Variants in GLT8D1 observed in about 807,000 individuals in gnomAD.
GLT8D1 encodes the protein glycosyltransferase 8 domain containing 1, also known as glycosyltransferase 8 domain-containing protein 1.
GLT8D1 carries 41 observed loss-of-function variants against 46.2 expected under a neutral mutation model. The ratio of observed to expected loss-of-function variants is 0.89; its 90% confidence interval spans 0.69 to 1.15. The LOEUF is 1.15. Ranked by LOEUF, GLT8D1 falls within the 50% of genes most tolerant of loss-of-function variation. The pLI is 0.00. For missense variants in GLT8D1, 408 were observed against 449.3 expected (o/e 0.91, Z 0.83); for synonymous variants, 150 against 154.2 (o/e 0.97, Z 0.20).
chr3:52,694,728 A>C lies in GLT8D1; in HGVS notation c.*117T>G, dbSNP rs1163079096. ...AGTTTGTCATCTTTACCTAGCTGAC[A>C]CATCTTTTTCCATGGCTTGCTACCG... On this transcript the variant is annotated 3_prime_UTR_variant, in exon 10 of 10. Transcript: ENST00000266014. 1.3e-6 allele frequency: 1 copy of C among 754,166 alleles called. No homozygotes were observed. The highest frequency in any genetic ancestry group is 2.4e-6 in the Non-Finnish European group (1 of 423,760). 46.7% of individuals were successfully genotyped at this position (754,166 alleles called of 1,614,324 possible). A position where few individuals can be genotyped will look rare whatever the true frequency, so the allele number is the denominator to read the frequency against.
chr3:52,699,162 C>T (rs1172604305), intron 3 of GLT8D1, among the ~76,000 whole-genome samples: 3 of 152,058 alleles, frequency 2.0e-5, no homozygotes, highest in African/African-American at 7.2e-5. Context: ...GGTACTAAGC[C>T]AAAATTGTAA....
At chr3:52,697,251 A>G (rs2154100252) in intron 4 of GLT8D1, among the ~76,000 whole-genome samples, 1 of 152,324 alleles carries the variant, frequency 6.6e-6, no homozygotes, top group Middle Eastern at 3.4e-3. Context: ...TCATTTTCAA[A>G]ATGGATTAGA....
chr3:52,697,516 C>T, intron 4 of GLT8D1: 1 of 571,982 alleles, frequency 1.7e-6, no homozygotes, highest in African/African-American at 1.9e-5. Context: ...TACTTCCTGG[C>T]ATGAGCTCCT....
intron 4 of GLT8D1, among the ~76,000 whole-genome samples, chr3:52,697,230 A>G (rs1000525756): frequency 3.9e-5 from 6 of 152,232 alleles, no homozygotes; most frequent in Non-Finnish European, 7.3e-5. Context: ...AGTAAGTTTT[A>G]TAAGTCTTAT....
intron 4 of GLT8D1, 128 bp from the exon 5 acceptor site, chr3:52,696,787 T>C: frequency 3.2e-6 from 2 of 628,406 alleles, no homozygotes; most frequent in Non-Finnish European, 5.7e-6. Context: ...AGCTTTGGTT[T>C]CCTCGTCTGA....
chr3:52,697,764 T>A lies in GLT8D1; in HGVS notation c.286A>T (p.Ile96Phe). The change falls in exon 4 of 10, where the codon ATT becomes TTT. Residue 96 changes from isoleucine to phenylalanine, a missense_variant. Coordinates refer to ENST00000266014, the MANE Select transcript of GLT8D1 (RefSeq NM_018446.4). ...SIQHNTRSNVIFYIVTLNNTA... is the reference protein window; with the variant it reads ...SIQHNTRSNVFFYIVTLNNTA... Reference sequence around the variant, plus strand: ...TTGTTGAGAGTAACAATGTAGAAAATCACATTGGAGCGAGTGTTGTGCTGA... The same window carrying A: ...TTGTTGAGAGTAACAATGTAGAAAAACACATTGGAGCGAGTGTTGTGCTGA... 6.2e-7 allele frequency: 1 copy of A among 1,613,520 alleles called. No individual in the cohort carries two copies. Among genetic ancestry groups the A allele is most frequent in the Non-Finnish European group, 8.5e-7 (1 of 1,179,508 alleles).
chr3:52,697,417 A>C (rs889486871), intron 4 of GLT8D1: 2 of 367,484 alleles, frequency 5.4e-6, no homozygotes, highest in Non-Finnish European at 1.0e-5. Context: ...TGTGACTTGT[A>C]AATCAACATT....
At position 52,694,589 on chromosome 3, in the gene GLT8D1, T is replaced by C. The variant is rs2097330893; in HGVS notation, c.*256A>G. 2 of 598,170 alleles carry C rather than the reference T, an allele frequency of 3.3e-6. No individual in the cohort carries two copies. Among genetic ancestry groups the C allele is most frequent in the Admixed American group, 2.9e-5 (1 of 34,018 alleles). The allele number at this position is 598,170 out of a possible 1,614,324, so 37.1% of individuals were successfully genotyped here. A position where few individuals can be genotyped will look rare whatever the true frequency, so the allele number is the denominator to read the frequency against. ...CTGTACCAGCTAGCTGAACTAGCCA[T>C]ATCAGTTCTTCTTTCCAGTCATTCA... is the stretch of plus-strand genomic sequence containing the variant. On this transcript the variant is annotated 3_prime_UTR_variant, in exon 10 of 10. Transcript: ENST00000266014.
In GLT8D1 at chr3:52,694,678, T is replaced by A; in HGVS notation, c.*167A>T. ...ACATATTTATAGTCTATAGTCTGTC[T>A]GGGAAGCTGACTGCCAGACAGGGCA... is the stretch of plus-strand genomic sequence containing the variant. On this transcript the variant is annotated 3_prime_UTR_variant, in exon 10 of 10. Transcript: ENST00000266014. The A allele has an allele frequency of 1.5e-6, 1 of 666,122 alleles. No individual in the cohort carries two copies. Among genetic ancestry groups the A allele is most frequent in the South Asian group, 1.7e-5 (1 of 59,134 alleles). 41.3% of individuals were successfully genotyped at this position (666,122 alleles called of 1,614,324 possible).
intron 7 of GLT8D1, 121 bp downstream of exon 7, chr3:52,695,807 G>T (rs1238099506): frequency 3.0e-6 from 2 of 676,770 alleles, no homozygotes; most frequent in African/African-American, 1.8e-5. Flanking sequence ...AGAAAAGCAG[G>T]CTTGAGTTTT....
chr3:52,695,685 A>G (rs1406718388), intron 7 of GLT8D1, 98 bp from the exon 8 acceptor site: 4 of 733,362 alleles, frequency 5.5e-6, no homozygotes, highest in Non-Finnish European at 9.3e-6. Flanking sequence ...TGACTTCTTC[A>G]GATTAGAAAA....
rs775303005 is a variant in GLT8D1, at chr3:52,694,809, TC to T, written c.*35del. 22 of 1,441,336 alleles carry T rather than the reference TC, an allele frequency of 1.5e-5. No homozygotes were observed. In the South Asian group the frequency reaches 2.2e-4, roughly 14 times the overall value. 89.3% of individuals were successfully genotyped at this position (1,441,336 alleles called of 1,614,324 possible). On this transcript the variant is annotated 3_prime_UTR_variant, in exon 10 of 10. Transcript: ENST00000266014. ...CCCACGCATGCTATCTTCCAGGACT[TC>T]CTGAGAAATGCTTGCTTACAGTTCA...
At chr3:52,695,897 T>C (rs753200246) in intron 7 of GLT8D1, 31 bp downstream of exon 7, 1 of 1,233,522 alleles carries the variant, frequency 8.1e-7, no homozygotes, top group Non-Finnish European at 1.2e-6. Flanking sequence ...AACAATATTG[T>C]AGGAAGAGGG....
chr3:52,704,197 G>T (rs1390341751), intron 1 of GLT8D1, among the ~76,000 whole-genome samples: 1 of 151,906 alleles, frequency 6.6e-6, no homozygotes, highest in Non-Finnish European at 1.5e-5. Flanking sequence ...GGTGGCTCAT[G>T]CCTGTAATCC....
intron 4 of GLT8D1, 32 bp from the exon 5 acceptor site, chr3:52,696,691 C>G (rs748517802): frequency 8.6e-7 from 1 of 1,160,080 alleles, no homozygotes; most frequent in South Asian, 1.2e-5. Context: ...ATTTTAGTTT[C>G]AAATAATGTC....
At chr3:52,702,935 C>T (rs1181377614) in intron 1 of GLT8D1, among the ~76,000 whole-genome samples, 8 of 151,252 alleles carry the variant, frequency 5.3e-5, no homozygotes, top group East Asian at 4.0e-4. Flanking sequence ...TACAGGTGTG[C>T]GCCACCACGC....
Position 52,696,247 on chromosome 3 carries a change from A to G in GLT8D1, c.519T>C (p.Asp173=), listed in dbSNP as rs753519075. 6.2e-7 allele frequency: 1 copy of G among 1,605,268 alleles called. No individual in the cohort carries two copies. The highest frequency in any genetic ancestry group is 8.5e-7 in the Non-Finnish European group (1 of 1,171,830). ...CATTTTTGATACCTTGCACAATTAC[A>G]TCATCATCCATGTATATGGCCTTCT... The part of the protein sequence containing the change: ...SAKKAIYMDD[D]VIVQGDILAL... The change falls in exon 6 of 10, where the codon GAT becomes GAC. Residue 173 remains aspartate (D), a synonymous_variant. Coordinates refer to ENST00000266014, the MANE Select transcript of GLT8D1 (RefSeq NM_018446.4).
chr3:52,698,191 T>G (rs1046362906), intron 3 of GLT8D1, among the ~76,000 whole-genome samples: 5 of 152,154 alleles, frequency 3.3e-5, no homozygotes, highest in African/African-American at 4.8e-5. Flanking sequence ...TTAGAATGTA[T>G]TATGGCAATT....
Position 52,694,836 on chromosome 3 carries a change from A to T in GLT8D1, c.*9T>A. Reference sequence around the variant, plus strand: ...CTGAGAAATGCTTGCTTACAGTTCAAATTCTGTTTCACTTTATGTTTGAGA... The same window carrying T: ...CTGAGAAATGCTTGCTTACAGTTCATATTCTGTTTCACTTTATGTTTGAGA... On this transcript the variant is annotated 3_prime_UTR_variant, in exon 10 of 10. Coordinates refer to ENST00000266014, the MANE Select transcript of GLT8D1 (RefSeq NM_018446.4). 1 of 1,593,636 alleles carries T rather than the reference A, an allele frequency of 6.3e-7. No homozygotes were observed. Among genetic ancestry groups the T allele is most frequent in the Non-Finnish European group, 8.6e-7 (1 of 1,161,430 alleles).
Sources: gnomAD v4.1 joint callset for allele counts (sites outside exome capture counted in the v4.1 genomes callset) on GRCh38, gnomAD v4.1.1 for gene constraint, MANE v1.5 for transcripts, NCBI Gene and HGNC (gene_info 2026-07-23, HGNC 2026-07-21) for gene names.